FBXO25: variants seen among roughly 807,000 people sequenced by gnomAD.
FBXO25 encodes F-box protein 25, also known as F-box only protein 25.
In FBXO25, 45 loss-of-function variants were observed where a neutral mutation model predicts 51.9. The observed-to-expected ratio is 0.87, with a 90% CI of 0.68 to 1.11. The LOEUF is 1.11. FBXO25 is among the 50% of genes most tolerant of loss of function. FBXO25 has a pLI of 0.00. For missense variants in FBXO25, 507 were observed against 428.5 expected (o/e 1.18, Z -1.62); for synonymous variants, 199 against 151.0 (o/e 1.32, Z -2.33).
intron 5 of FBXO25, among the ~76,000 whole-genome samples, chr8:435,941 G>T (rs1358707531): frequency 6.6e-6 from 1 of 152,200 alleles, no homozygotes; most frequent in Non-Finnish European, 1.5e-5. Context: ...ACACTCATCT[G>T]CCCTGTGGCT....
At chr8:410,967 C>T (rs1437625409) in intron 1 of FBXO25, among the ~76,000 whole-genome samples, 1 of 151,856 alleles carries the variant, frequency 6.6e-6, no homozygotes, top group African/African-American at 2.4e-5. Context: ...AATTTCCTTC[C>T]TTTTTTTTCT....
rs770130394 is a variant in FBXO25 at position 431,435 on chromosome 8, A to C, written c.229A>C (p.Asn77His). ...RKKDHFRNDT[N>H]TQSFYREKWI... Reference sequence around the variant, plus strand: ...AAAGGACCATTTTAGAAATGACACAAATACTCAAAGTAAGATCATTCTCAT... The same window carrying C: ...AAAGGACCATTTTAGAAATGACACACATACTCAAAGTAAGATCATTCTCAT... The change falls in exon 3 of 10, where the codon AAT (asparagine) becomes CAT (histidine). Residue 77 changes from asparagine to histidine, a missense_variant. Transcript: ENST00000350302. 1 of 1,493,272 alleles carries C rather than the reference A, an allele frequency of 6.7e-7. No homozygotes were observed. Among genetic ancestry groups the C allele is most frequent in the South Asian group, 1.2e-5 (1 of 81,064 alleles). The allele number at this position is 1,493,272 out of a possible 1,614,324, so 92.5% of individuals were successfully genotyped here. A position where few individuals can be genotyped will look rare whatever the true frequency, so the allele number is the denominator to read the frequency against.
Position 476,274 on chromosome 8 carries a change from T to C in FBXO25, c.*7470T>C, listed in dbSNP as rs576182321. 6.6e-6 allele frequency: 1 copy of C among 152,266 alleles called. No homozygotes were observed. The highest frequency in any genetic ancestry group is 2.1e-4 in the South Asian group (1 of 4,824). The allele number at this position is 152,266 out of a possible 1,614,324, so 9.4% of individuals were successfully genotyped here. A position where few individuals can be genotyped will look rare whatever the true frequency, so the allele number is the denominator to read the frequency against. On this transcript the variant is annotated 3_prime_UTR_variant, in exon 10 of 10. Coordinates refer to ENST00000350302, the MANE Select transcript of FBXO25 (RefSeq NM_183420.2). ...CCACTGAATCCTGTTGGCCAGTATT[T>C]TGTTGAATATTGATTTAAAAAAATC...
rs1429352564 is a variant in FBXO25, at chr8:472,192, C to T, written c.*3388C>T. The T allele has an allele frequency of 6.6e-6, 1 of 152,190 alleles. No individual in the cohort carries two copies. The allele number at this position is 152,190 out of a possible 1,614,324, so 9.4% of individuals were successfully genotyped here. A position where few individuals can be genotyped will look rare whatever the true frequency, so the allele number is the denominator to read the frequency against. On this transcript the variant is annotated 3_prime_UTR_variant, in exon 10 of 10. Transcript: ENST00000350302. Reference sequence around the variant, plus strand: ...GTCTCACCATTAACTATGATGTTAACCCTGGGTTTTCCATACATACCCTCT... The same window carrying T: ...GTCTCACCATTAACTATGATGTTAATCCTGGGTTTTCCATACATACCCTCT...
At chr8:448,659 C>A (rs1798885951) in intron 5 of FBXO25, among the ~76,000 whole-genome samples, 2 of 152,124 alleles carry the variant, frequency 1.3e-5, no homozygotes, top group Non-Finnish European at 2.9e-5. Flanking sequence ...CTGAGGGTGA[C>A]GGAGCAGAGT....
intron 7 of FBXO25, 88 bp from the exon 8 acceptor site, chr8:458,281 A>C (rs1416265116): frequency 1.4e-6 from 2 of 1,425,612 alleles, no homozygotes; most frequent in Non-Finnish European, 1.9e-6. Context: ...CATGTTTTGA[A>C]GCATTCATTC....
intron 3 of FBXO25, among the ~76,000 whole-genome samples, chr8:431,791 G>A (rs1356211673): frequency 6.6e-6 from 1 of 152,230 alleles, no homozygotes; most frequent in African/African-American, 2.4e-5. Context: ...GCAGGAGACA[G>A]ACATTCAGAG....
intron 1 of FBXO25, among the ~76,000 whole-genome samples, chr8:408,728 A>C (rs1334845350): frequency 6.6e-6 from 1 of 152,210 alleles, no homozygotes; most frequent in African/African-American, 2.4e-5. Context: ...AATGAACTTC[A>C]TGAAGTCCTT....
At chr8:421,241 G>A (rs975980666) in intron 2 of FBXO25, among the ~76,000 whole-genome samples, 2 of 152,228 alleles carry the variant, frequency 1.3e-5, no homozygotes, top group African/African-American at 4.8e-5. Flanking sequence ...CTGATGATCT[G>A]AGGTGGCACA....
intron 5 of FBXO25, among the ~76,000 whole-genome samples, chr8:437,504 G>T (rs980939681): frequency 6.6e-6 from 1 of 152,170 alleles, no homozygotes; most frequent in Non-Finnish European, 1.5e-5. Context: ...TCCTGAAGTC[G>T]CTCTGGACCT....
intron 4 of FBXO25, among the ~76,000 whole-genome samples, chr8:435,226 A>G (rs1055847891): frequency 1.3e-5 from 2 of 152,092 alleles, no homozygotes; most frequent in Non-Finnish European, 2.9e-5. Flanking sequence ...CATCCTTACA[A>G]TGCAGTTAAT....
intron 7 of FBXO25, 51 bp downstream of exon 7, chr8:451,504 A>T: frequency 2.0e-6 from 3 of 1,529,778 alleles, no homozygotes; most frequent in Non-Finnish European, 2.7e-6. Flanking sequence ...TATATTACAG[A>T]AGTTATCTTT....
intron 1 of FBXO25, among the ~76,000 whole-genome samples, chr8:409,809 A>C (rs1400843452): frequency 2.0e-5 from 3 of 152,158 alleles, no homozygotes; most frequent in Non-Finnish European, 2.9e-5. Context: ...TTATTCTCAA[A>C]ACAACACTGC....
chr8:412,606 C>T (rs1796548252), intron 1 of FBXO25, among the ~76,000 whole-genome samples: 1 of 152,170 alleles, frequency 6.6e-6, no homozygotes, highest in Admixed American at 6.5e-5. Flanking sequence ...TAACTTGATC[C>T]AGCCTTAAAT....
intron 2 of FBXO25, among the ~76,000 whole-genome samples, chr8:425,391 TGTAAC>T (rs1797410975): frequency 6.6e-6 from 1 of 151,806 alleles, no homozygotes; most frequent in African/African-American, 2.4e-5. Flanking sequence ...TGTTAGCACT[TGTAAC>T]TTTCTTATTT....
At chr8:455,206 T>A (rs1799349523) in intron 7 of FBXO25, among the ~76,000 whole-genome samples, 1 of 152,200 alleles carries the variant, frequency 6.6e-6, no homozygotes, top group Non-Finnish European at 1.5e-5. Flanking sequence ...CAGGGCTTTG[T>A]GGGCATTGCA....
At chr8:461,071 G>A (rs544723406) in intron 8 of FBXO25, among the ~76,000 whole-genome samples, 3 of 152,256 alleles carry the variant, frequency 2.0e-5, no homozygotes, top group African/African-American at 2.4e-5. Flanking sequence ...CCTTTAGCCC[G>A]TGCATTTTGT....
At chr8:413,293 G>C in intron 2 of FBXO25, 80 bp downstream of exon 2, 1 of 1,375,132 alleles carries the variant, frequency 7.3e-7, no homozygotes, top group East Asian at 2.6e-5. Flanking sequence ...TCCCTGCAAA[G>C]CTCCATAACT....
intron 2 of FBXO25, among the ~76,000 whole-genome samples, chr8:419,863 C>T (rs35685185): frequency 0.087 from 13,287 of 152,106 alleles, 688 homozygotes; most frequent in South Asian, 0.14. Context: ...TTGTAAGTCA[C>T]ATATCTGACA....
Sources: gnomAD v4.1 joint callset for allele counts (sites outside exome capture counted in the v4.1 genomes callset) on GRCh38, gnomAD v4.1.1 for gene constraint, MANE v1.5 for transcripts, NCBI Gene and HGNC (gene_info 2026-07-23, HGNC 2026-07-21) for gene names.